CEP290: variants seen among roughly 807,000 people sequenced by gnomAD.
CEP290 encodes centrosomal protein 290.
A neutral mutation model predicts 344.9 loss-of-function variants in CEP290; 317 were observed. The ratio of observed to expected loss-of-function variants is 0.92; its 90% CI spans 0.84 to 1.01. The LOEUF is 1.01. Among genes scored for constraint, CEP290 ranks in the 50% least tolerant of loss-of-function variants. The pLI, the probability that CEP290 is intolerant of heterozygous loss-of-function variation, is 0.00. For missense variants in CEP290, 2,754 were observed against 2,761.4 expected, an observed-to-expected ratio of 1.00 and a Z score of 0.06; for synonymous variants, 932 against 895.8, an observed-to-expected ratio of 1.04 and a Z score of -0.72.
At chr12:88,109,322 C>G (rs1282839902) in intron 22 of CEP290, 141 bp from the exon 23 acceptor site, 2 of 466,528 alleles carry the variant, frequency 4.3e-6, no homozygotes, top group African/African-American at 4.1e-5. Flanking sequence ...GATCATTTTT[C>G]CATGATATTT....
intron 20 of CEP290, among the ~76,000 whole-genome samples, chr12:88,113,295 C>T (rs1023231340): frequency 1.3e-5 from 2 of 151,876 alleles, no homozygotes; most frequent in East Asian, 1.9e-4. Context: ...GGCATCATCA[C>T]GGACAAAAGA....
At chr12:88,139,412 A>G in intron 4 of CEP290, 83 bp downstream of exon 4, 3 of 773,168 alleles carry the variant, frequency 3.9e-6, no homozygotes, top group Non-Finnish European at 5.7e-6. Context: ...TATTTTATAG[A>G]ATATAATTTA....
At chr12:88,071,239 G>A in intron 43 of CEP290, 55 bp downstream of exon 43, 8 of 1,371,400 alleles carry the variant, frequency 5.8e-6, no homozygotes, top group Non-Finnish European at 8.2e-6. Context: ...TCAATTTCTA[G>A]GGGTCAACCA....
chr12:88,062,934 C>T (rs1043129346), intron 45 of CEP290, among the ~76,000 whole-genome samples, 156 bp from the exon 46 acceptor site: 2 of 152,008 alleles, frequency 1.3e-5, no homozygotes, highest in South Asian at 2.1e-4. Context: ...TGAACTAAGA[C>T]GTTAAATTAA....
chr12:88,136,185 G>C (rs1311123611), intron 6 of CEP290: 1 of 157,790 alleles, frequency 6.3e-6, no homozygotes, highest in Non-Finnish European at 1.4e-5. Flanking sequence ...ATAAAATAAG[G>C]TACAACCAAA....
chr12:88,127,582 G>C (rs1230985088), intron 11 of CEP290, among the ~76,000 whole-genome samples: 1 of 152,016 alleles, frequency 6.6e-6, no homozygotes, highest in Non-Finnish European at 1.5e-5. Flanking sequence ...TATAACAAAT[G>C]TCAAAAGTCA....
At chr12:88,113,389 A>G (rs2038831802) in intron 20 of CEP290, among the ~76,000 whole-genome samples, 1 of 152,120 alleles carries the variant, frequency 6.6e-6, no homozygotes, top group Admixed American at 6.5e-5. Context: ...AGAGAAGGAA[A>G]GTCAGTATGA....
At chr12:88,079,295 A>C in intron 38 of CEP290, 66 bp from the exon 39 acceptor site, 1 of 1,246,116 alleles carries the variant, frequency 8.0e-7, no homozygotes, top group Non-Finnish European at 1.1e-6. Context: ...TGAATATATG[A>C]TATAAAAAAT....
At chr12:88,129,500 A>C (rs1366955509) in intron 10 of CEP290, among the ~76,000 whole-genome samples, 194 bp downstream of exon 10, 1 of 151,924 alleles carries the variant, frequency 6.6e-6, no homozygotes, top group Non-Finnish European at 1.5e-5. Flanking sequence ...TATATCCTAA[A>C]TTGCAAAAAT....
At chr12:88,107,579 G>A (rs1351745159) in intron 23 of CEP290, among the ~76,000 whole-genome samples, 1 of 150,554 alleles carries the variant, frequency 6.6e-6, no homozygotes, top group Non-Finnish European at 1.5e-5. Flanking sequence ...CTTTAAAATT[G>A]CTAAGAGAGT....
chr12:88,100,383 C>T (rs576925961), intron 26 of CEP290, among the ~76,000 whole-genome samples: 1 of 152,186 alleles, frequency 6.6e-6, no homozygotes, highest in Non-Finnish European at 1.5e-5. Context: ...TATTACCCAT[C>T]CAGTTTTTGT....
intron 24 of CEP290, 25 bp downstream of exon 24, chr12:88,106,971 C>T: frequency 6.5e-7 from 1 of 1,535,506 alleles, no homozygotes. Flanking sequence ...ATATTGCATA[C>T]TAATGTTAAA....
chr12:88,059,165 A>T (rs2034257612), intron 48 of CEP290, 145 bp from the exon 49 acceptor site: 1 of 633,350 alleles, frequency 1.6e-6, no homozygotes, highest in Non-Finnish European at 2.6e-6. Flanking sequence ...CAAATTCAAC[A>T]TCTCTCCTTT....
intron 44 of CEP290, among the ~76,000 whole-genome samples, chr12:88,066,469 GTT>G: frequency 2.7e-5 from 1 of 37,246 alleles, no homozygotes; most frequent in East Asian, 1.9e-3. Flanking sequence ...CCAGCTAATT[GTT>G]TCTTTTTTTT....
At chr12:88,078,660 A>G (rs1160070625) in intron 39 of CEP290, among the ~76,000 whole-genome samples, 2 of 152,132 alleles carry the variant, frequency 1.3e-5, no homozygotes, top group Non-Finnish European at 2.9e-5. Flanking sequence ...AAATAGAGGT[A>G]AACTTGGACT....
chr12:88,052,107 C>T (rs2033598444), intron 52 of CEP290, among the ~76,000 whole-genome samples: 1 of 152,138 alleles, frequency 6.6e-6, no homozygotes, highest in Admixed American at 6.6e-5. Context: ...AGGCAATTAG[C>T]ATAGTGTCTA....
At chr12:88,119,803 GA>G (rs924156244) in intron 15 of CEP290, among the ~76,000 whole-genome samples, 1 of 149,800 alleles carries the variant, frequency 6.7e-6, no homozygotes, top group Non-Finnish European at 1.5e-5. Context: ...CTTTTGTTGG[GA>G]AAAAAAAAGG....
In CEP290 at chr12:88,125,455, A is replaced by T. The variant is rs1028002433; in HGVS notation, c.1066-86T>A. The T allele has an allele frequency of 8.4e-6, 5 of 596,088 alleles. No homozygotes were observed. In the African/African-American group the frequency reaches 9.7e-5, roughly 12 times the overall value. 36.9% of individuals were successfully genotyped at this position (596,088 alleles called of 1,614,324 possible). A position where few individuals can be genotyped will look rare whatever the true frequency, so the allele number is the denominator to read the frequency against. On this transcript the variant is annotated intron_variant, in intron 12 of 53. Transcript: ENST00000552810. ...AAAAAAGTACGTCTGATTTTTTTCA[A>T]CAAGACTGTAGAACATATTTTCTTG...
chr12:88,100,582 T>C (rs957690849), intron 26 of CEP290, among the ~76,000 whole-genome samples: 1 of 152,160 alleles, frequency 6.6e-6, no homozygotes, highest in Non-Finnish European at 1.5e-5. Flanking sequence ...AAACAGGAGA[T>C]ACTCAACACA....
Sources: allele counts gnomAD v4.1 joint callset (sites outside exome capture counted in the v4.1 genomes callset), GRCh38; gene constraint gnomAD v4.1.1; transcripts MANE v1.5; gene names NCBI Gene and HGNC (gene_info 2026-07-23, HGNC 2026-07-21).